Variants in RASSF4 observed in about 807,000 individuals in gnomAD.
RASSF4 encodes Ras association domain family member 4.
RASSF4 carries 38 observed loss-of-function variants against 41.1 expected under a neutral mutation model. The ratio of observed to expected loss-of-function variants is 0.92; its 90% CI spans 0.71 to 1.21. RASSF4 has a LOEUF of 1.21. RASSF4 is among the 50% of genes most tolerant of loss of function. The pLI, the probability that RASSF4 is intolerant of heterozygous loss-of-function variation, is 0.00. For synonymous variants in RASSF4, 179 were observed against 163.4 expected, an observed-to-expected ratio of 1.10 and a Z score of -0.73; for missense variants, 414 against 419.4, an observed-to-expected ratio of 0.99 and a Z score of 0.11.
chr10:44,971,488 T>C lies in RASSF4; in HGVS notation c.63-285T>C, dbSNP rs181419001. The C allele has an allele frequency of 3.4e-3, 2,065 of 608,160 alleles. 7 individuals carry two copies. Among genetic ancestry groups the C allele is most frequent in the Non-Finnish European group, 5.1e-3 (1,648 of 324,488 alleles). 37.7% of individuals were successfully genotyped at this position (608,160 alleles called of 1,614,324 possible). A position where few individuals can be genotyped will look rare whatever the true frequency, so the allele number is the denominator to read the frequency against. On this transcript the variant is annotated intron_variant, in intron 2 of 10. Transcript: ENST00000340258. ...GAGGCTGCCAGGGCCTTACCTGTGATAGTGAAAGTGTCGGCACCCTGGACA... is the reference window on the plus strand; with the variant it reads ...GAGGCTGCCAGGGCCTTACCTGTGACAGTGAAAGTGTCGGCACCCTGGACA...
chr10:44,969,126 G>GTA (rs1841037180), intron 1 of RASSF4, among the ~76,000 whole-genome samples: 1 of 151,694 alleles, frequency 6.6e-6, no homozygotes, highest in African/African-American at 2.4e-5. Context: ...GTGTGTGTGT[G>GTA]TGTATGTATG....
chr10:44,994,163 C>G lies in RASSF4; in HGVS notation c.*834C>G, dbSNP rs1211823446. 1 of 152,286 alleles carries G rather than the reference C, an allele frequency of 6.6e-6. No individual in the cohort carries two copies. Among genetic ancestry groups the G allele is most frequent in the Admixed American group, 6.5e-5 (1 of 15,284 alleles). The allele number at this position is 152,286 out of a possible 1,614,324, so 9.4% of individuals were successfully genotyped here. On this transcript the variant is annotated 3_prime_UTR_variant, in exon 11 of 11. Transcript: ENST00000340258. ...CCTTTTCTGGGCTTGCGTTTCTCTCCTCTAGTGGGTGGGGATGACTTTCAA... is the reference window on the plus strand; with the variant it reads ...CCTTTTCTGGGCTTGCGTTTCTCTCGTCTAGTGGGTGGGGATGACTTTCAA...
At chr10:44,975,154 G>T (rs1350527433) in intron 3 of RASSF4, among the ~76,000 whole-genome samples, 1 of 152,116 alleles carries the variant, frequency 6.6e-6, no homozygotes, top group African/African-American at 2.4e-5. Flanking sequence ...ATCCAGTCCC[G>T]CTCCTCGGCC....
intron 5 of RASSF4, chr10:44,984,424 A>G (rs914703): frequency 0.21 from 102,076 of 481,088 alleles, 11,827 homozygotes; most frequent in African/African-American, 0.33. Context: ...CTGGCCCCTC[A>G]CCTCCCTCTG....
rs1296839440 is a variant in RASSF4 at position 44,984,816 on chromosome 10, C to T, written c.377C>T (p.Pro126Leu). ...KAESSTDSSG[P>L]LEEAEEAPQL... The stretch of plus-strand genomic sequence containing the variant: ...CTCTCACCCATTTCTCATGCAGGGC[C>T]CCTGGAGGAGGCAGAGGAGGCCCCC... The change falls in exon 6 of 11, where the codon CCC becomes CTC. Residue 126 changes from proline (P) to leucine (L), a missense_variant. Transcript: ENST00000340258. 1.2e-6 allele frequency: 2 copies of T among 1,613,374 alleles called. No homozygotes were observed. Among genetic ancestry groups the T allele is most frequent in the African/African-American group, 2.7e-5 (2 of 74,932 alleles).
At chr10:44,967,686 C>T (rs1840958302) in intron 1 of RASSF4, among the ~76,000 whole-genome samples, 1 of 152,178 alleles carries the variant, frequency 6.6e-6, no homozygotes, top group African/African-American at 2.4e-5. Context: ...ATTTATTCAG[C>T]AATTTAACAA....
intron 3 of RASSF4, chr10:44,978,154 G>A: frequency 8.9e-7 from 1 of 1,122,066 alleles, no homozygotes; most frequent in Non-Finnish European, 1.3e-6. Flanking sequence ...GGAATCCGGT[G>A]CCCTGAGAGC....
At chr10:44,971,747 G>A (rs1223924598) in intron 2 of RASSF4, 26 bp from the exon 3 acceptor site, 4 of 1,587,134 alleles carry the variant, frequency 2.5e-6, no homozygotes, top group East Asian at 4.5e-5. Context: ...CACCCTAGGA[G>A]TACATGTGTG....
intron 3 of RASSF4, among the ~76,000 whole-genome samples, chr10:44,972,696 T>C (rs998336466): frequency 8.5e-5 from 13 of 152,238 alleles, no homozygotes; most frequent in African/African-American, 3.1e-4. Context: ...TGTGGCCCTA[T>C]CTTGGTCTAA....
At position 44,994,330 on chromosome 10, in the gene RASSF4, G is replaced by A. The variant is rs555353708; in HGVS notation, c.*1001G>A. 35 of 152,784 alleles carry A rather than the reference G, an allele frequency of 2.3e-4. No homozygotes were observed. Among genetic ancestry groups the A allele is most frequent in the African/African-American group, 7.5e-4 (31 of 41,576 alleles). The allele number at this position is 152,784 out of a possible 1,614,324, so 9.5% of individuals were successfully genotyped here. ...CAGGAATGAATGAGAAAGCCTTTGCGAAACTATGCAACAGTTTACATCAGT... is the reference window on the plus strand; with the variant it reads ...CAGGAATGAATGAGAAAGCCTTTGCAAAACTATGCAACAGTTTACATCAGT... On this transcript the variant is annotated 3_prime_UTR_variant, in exon 11 of 11. Transcript: ENST00000340258.
intron 3 of RASSF4, among the ~76,000 whole-genome samples, chr10:44,979,618 A>T (rs1258571065): frequency 2.0e-5 from 3 of 152,036 alleles, no homozygotes; most frequent in Non-Finnish European, 4.4e-5. Context: ...CCTGAAAAAA[A>T]TGGGAAAATG....
rs1205104654 is a variant in RASSF4 at position 44,984,048 on chromosome 10, A to G, written c.308A>G (p.Asn103Ser). The change falls in exon 5 of 11, where the codon AAC becomes AGC. Residue 103 changes from asparagine to serine, a missense_variant. Physicochemically the swap from Asn to Ser is conservative, Grantham distance 46. Coordinates refer to ENST00000340258, the MANE Select transcript of RASSF4 (RefSeq NM_032023.4). Reference protein sequence around the residue: ...PLKEPSPQNGNITAQGPSIQP... With the variant: ...PLKEPSPQNGSITAQGPSIQP... Reference sequence around the variant, plus strand: ...AAGGAGCCATCGCCCCAGAACGGGAACATCACAGCCCAGGGGCCAAGCATT... The same window carrying G: ...AAGGAGCCATCGCCCCAGAACGGGAGCATCACAGCCCAGGGGCCAAGCATT... 3.7e-6 allele frequency: 6 copies of G among 1,605,526 alleles called. No homozygotes were observed. Among genetic ancestry groups the G allele is most frequent in the Non-Finnish European group, 5.1e-6 (6 of 1,176,246 alleles).
At chr10:44,993,002 C>T (rs535834937) in intron 10 of RASSF4, among the ~76,000 whole-genome samples, 9 of 152,318 alleles carry the variant, frequency 5.9e-5, no homozygotes, top group South Asian at 4.1e-4. Flanking sequence ...TCTGCTCTAC[C>T]GCCCTGTCCA....
chr10:44,971,346 C>T (rs1841150036), intron 2 of RASSF4: 5 of 378,842 alleles, frequency 1.3e-5, no homozygotes, highest in South Asian at 7.8e-5. Context: ...CAGGGTGGCC[C>T]GCAGCAGCCA....
chr10:44,982,273 G>A (rs1448504158), intron 3 of RASSF4: 2 of 540,530 alleles, frequency 3.7e-6, no homozygotes, highest in Non-Finnish European at 6.5e-6. Context: ...TGGGACACCT[G>A]ACTCAGCCAC....
In RASSF4 at chr10:44,993,726, T is replaced by G. The variant is rs1456708065; in HGVS notation, c.*397T>G. On this transcript the variant is annotated 3_prime_UTR_variant, in exon 11 of 11. Transcript: ENST00000340258. The stretch of plus-strand genomic sequence containing the variant: ...CCTCTTCCTTCATATGAGATTCTTG[T>G]CTGCCCTCATATCACGCTGCCCCAC... The G allele has an allele frequency of 1.1e-5, 2 of 181,456 alleles. No individual in the cohort carries two copies. Among genetic ancestry groups the G allele is most frequent in the Non-Finnish European group, 2.3e-5 (2 of 85,560 alleles). 11.2% of individuals were successfully genotyped at this position (181,456 alleles called of 1,614,324 possible).
At position 44,993,584 on chromosome 10, in the gene RASSF4, G is replaced by A. The variant is rs1842199731; in HGVS notation, c.*255G>A. ...GGGTCAGATCTGTGTGGCCAGCCCT[G>A]TCCACACCATGCCTCTCCTGCACTG... On this transcript the variant is annotated 3_prime_UTR_variant, in exon 11 of 11. Transcript: ENST00000340258. 2 of 531,650 alleles carry A rather than the reference G, an allele frequency of 3.8e-6. No homozygotes were observed. Among genetic ancestry groups the A allele is most frequent in the African/African-American group, 1.9e-5 (1 of 52,818 alleles). 32.9% of individuals were successfully genotyped at this position (531,650 alleles called of 1,614,324 possible).
intron 6 of RASSF4, 73 bp downstream of exon 6, chr10:44,985,043 T>G: frequency 6.6e-7 from 1 of 1,517,572 alleles, no homozygotes; most frequent in Non-Finnish European, 9.0e-7. Flanking sequence ...GCAAGCACCA[T>G]GACCTGTGTG....
intron 8 of RASSF4, among the ~76,000 whole-genome samples, chr10:44,990,055 C>G (rs577183915): frequency 6.6e-6 from 1 of 152,386 alleles, no homozygotes; most frequent in South Asian, 2.1e-4. Context: ...TAGGAAGCCT[C>G]CCTCTCCGCC....
Sources: allele counts gnomAD v4.1 joint callset (sites outside exome capture counted in the v4.1 genomes callset), GRCh38; gene constraint gnomAD v4.1.1; transcripts MANE v1.5; gene names NCBI Gene and HGNC (gene_info 2026-07-23, HGNC 2026-07-21).